Variants in ROBO2 observed in about 807,000 individuals in gnomAD.
ROBO2 encodes roundabout homolog 2.
Under a neutral mutation model 160.8 loss-of-function variants are expected in ROBO2, and 53 were observed. The ratio of observed to expected loss-of-function variants is 0.33; its 90% CI spans 0.26 to 0.41. The LOEUF (loss-of-function observed/expected upper bound fraction) is 0.41. ROBO2 is among the 10% of genes least tolerant of loss of function. The probability of loss-of-function intolerance (pLI) is 1.00; values close to 1 mark genes in which losing one functional copy is unlikely to be tolerated. For synonymous variants in ROBO2, 664 were observed against 611.7 expected (o/e 1.09, Z -1.26); for missense variants, 1,577 against 1,722.4 (o/e 0.92, Z 1.49).
intron 2 of ROBO2, among the ~76,000 whole-genome samples, chr3:76,498,085 C>T (rs2080252842): frequency 6.6e-6 from 1 of 152,150 alleles, no homozygotes; most frequent in Admixed American, 6.6e-5. Flanking sequence ...AAAAAATTTT[C>T]AGTGGTATGT....
chr3:76,346,831 A>C (rs2074561723), intron 2 of ROBO2, among the ~76,000 whole-genome samples: 1 of 152,192 alleles, frequency 6.6e-6, no homozygotes, highest in South Asian at 2.1e-4. Flanking sequence ...TGACAACATG[A>C]AAGCAAAATA....
At chr3:76,892,938 T>C (rs943729610) in intron 2 of ROBO2, among the ~76,000 whole-genome samples, 9 of 152,298 alleles carry the variant, frequency 5.9e-5, no homozygotes, top group Non-Finnish European at 1.0e-4. Flanking sequence ...AAAATTCCCA[T>C]CTGTTCCAAC....
At position 77,047,465 on chromosome 3, in the gene ROBO2, A is replaced by G. The variant is rs577091586; in HGVS notation, c.61+6619A>G. 2.0e-5 allele frequency among the ~76,000 whole-genome samples: 3 copies of G among 151,366 alleles called. No individual in the cohort carries two copies. The East Asian group carries it at 5.9e-4, about 30-fold the overall frequency. ...TTTGGGAGGGTGAGGTGTGTGGATC[A>G]CCTGAGGTCAGGAGTTCAAGACCAG... is the stretch of plus-strand genomic sequence containing the variant. On this transcript the variant is annotated intron_variant, in intron 1 of 25. Coordinates refer to ENST00000461745, the Ensembl canonical transcript of ROBO2.
rs536459339 is a variant in ROBO2 at position 77,521,692 on chromosome 3, G to T, written c.807-1083G>T. On this transcript the variant is annotated intron_variant, in intron 5 of 25. Transcript: ENST00000461745. ...AGACAATGCTTTTTCTCATGTCAAG[G>T]TCTATAAATTAGGACTGTATTAGTT... Among the ~76,000 whole-genome samples the T allele has an allele frequency of 4.0e-5, 6 of 151,290 alleles. No individual in the cohort carries two copies. The South Asian group carries it at 8.3e-4, about 21-fold the overall frequency.
At chr3:76,249,133 T>G (rs564643027) in intron 2 of ROBO2, among the ~76,000 whole-genome samples, 1 of 152,210 alleles carries the variant, frequency 6.6e-6, no homozygotes, top group South Asian at 2.1e-4. Context: ...TAATTATACT[T>G]GAATTTGGTT....
intron 2 of ROBO2, among the ~76,000 whole-genome samples, chr3:76,481,702 G>T (rs1301026926): frequency 6.6e-6 from 1 of 152,062 alleles, no homozygotes; most frequent in Non-Finnish European, 1.5e-5. Context: ...CCAGAAATCT[G>T]TGCTTTAATA....
intron 2 of ROBO2, among the ~76,000 whole-genome samples, chr3:77,252,532 G>T (rs1444237800): frequency 6.6e-6 from 1 of 151,756 alleles, no homozygotes; most frequent in Non-Finnish European, 1.5e-5. Context: ...ATAGAACCAG[G>T]CGCAGTGGCT....
At chr3:76,069,750 A>C (rs1161096080) in intron 2 of ROBO2, among the ~76,000 whole-genome samples, 2 of 152,146 alleles carry the variant, frequency 1.3e-5, no homozygotes, top group Admixed American at 6.5e-5. Flanking sequence ...CACGTTAGCT[A>C]AGGGAAAGTC....
chr3:76,297,617 A>G (rs1302903411), intron 2 of ROBO2, among the ~76,000 whole-genome samples: 1 of 151,800 alleles, frequency 6.6e-6, no homozygotes, highest in Non-Finnish European at 1.5e-5. Context: ...CCAAGGAAGA[A>G]AATAATGTTT....
intron 2 of ROBO2, among the ~76,000 whole-genome samples, chr3:76,036,296 C>T (rs933127565): frequency 3.4e-5 from 5 of 148,182 alleles, no homozygotes; most frequent in African/African-American, 1.3e-4. Context: ...ATTACAGGCA[C>T]CTGCCACCAC....
chr3:75,980,600 T>C (rs955833388), intron 2 of ROBO2, among the ~76,000 whole-genome samples: 8 of 151,558 alleles, frequency 5.3e-5, no homozygotes, highest in Non-Finnish European at 8.9e-5. Flanking sequence ...AGTCAAACTA[T>C]ACAAAGCTGG....
At chr3:76,065,921 T>A (rs1443212939) in intron 2 of ROBO2, among the ~76,000 whole-genome samples, 1 of 151,924 alleles carries the variant, frequency 6.6e-6, no homozygotes, top group Non-Finnish European at 1.5e-5. Flanking sequence ...GATGATAATC[T>A]TTCTCTACTC....
intron 2 of ROBO2, among the ~76,000 whole-genome samples, chr3:76,620,547 G>A (rs1385618511): frequency 6.6e-6 from 1 of 151,758 alleles, no homozygotes; most frequent in East Asian, 1.9e-4. Flanking sequence ...TAAAATTAGG[G>A]GTAAACCTGA....
rs189480985 is a variant in ROBO2 at position 77,374,729 on chromosome 3, G to A, written c.389-102685G>A. Among the ~76,000 whole-genome samples the A allele has an allele frequency of 2.0e-5, 3 of 152,302 alleles. No individual in the cohort carries two copies. In the East Asian group the frequency reaches 5.8e-4, roughly 29 times the overall value. On this transcript the variant is annotated intron_variant, in intron 2 of 25. Coordinates refer to ENST00000461745, the Ensembl canonical transcript of ROBO2. ...TTGCTGCCAGTTTACTAAGAGAGTA[G>A]CTGAGATGTACTGACTGAATTACTC...
At chr3:77,119,704 A>T (rs1472812338) in intron 2 of ROBO2, among the ~76,000 whole-genome samples, 1 of 152,240 alleles carries the variant, frequency 6.6e-6, no homozygotes, top group Non-Finnish European at 1.5e-5. Flanking sequence ...GAGCTGTAAC[A>T]ATGCAAGTAT....
intron 2 of ROBO2, among the ~76,000 whole-genome samples, chr3:75,982,283 A>C (rs1009530717): frequency 1.3e-5 from 2 of 151,344 alleles, no homozygotes; most frequent in Non-Finnish European, 3.0e-5. Context: ...TCTTTGGTAT[A>C]TACTTAGCAG....
Position 76,546,585 on chromosome 3 carries a change from A to G in ROBO2, c.110-551429A>G, listed in dbSNP as rs182376465. On this transcript the variant is annotated intron_variant, in intron 2 of 26. Coordinates refer to the ROBO2 transcript ENST00000487694. ...CCAGAGAAATGGCAATGTGACAAAG[A>G]TTACATCTGTTGTTGCTAGCTTTGA... Among the ~76,000 whole-genome samples the G allele has an allele frequency of 1.9e-4, 29 of 152,040 alleles. No individual in the cohort carries two copies. In the South Asian group the frequency reaches 5.8e-3, roughly 30 times the overall value.
intron 2 of ROBO2, among the ~76,000 whole-genome samples, chr3:76,023,152 GT>G (rs2066624730): frequency 6.6e-6 from 1 of 151,652 alleles, no homozygotes; most frequent in Non-Finnish European, 1.5e-5. Context: ...CTTGGGCCTT[GT>G]TGTAGTTGCT....
chr3:76,622,328 A>C (rs570492955), intron 2 of ROBO2, among the ~76,000 whole-genome samples: 5 of 150,604 alleles, frequency 3.3e-5, no homozygotes, highest in Non-Finnish European at 7.4e-5. Context: ...AGCCAGGTGT[A>C]GTGGTGCATA....
Sources: allele counts gnomAD v4.1 joint callset (sites outside exome capture counted in the v4.1 genomes callset), GRCh38; gene constraint gnomAD v4.1.1; transcripts MANE v1.5; gene names NCBI Gene and HGNC (gene_info 2026-07-23, HGNC 2026-07-21).